Variants in FOXP2 observed in about 807,000 individuals in gnomAD.
The protein encoded by FOXP2 is forkhead box protein P2.
Under a neutral mutation model 115.8 loss-of-function variants are expected in FOXP2, and 12 were observed. That is an observed-to-expected ratio of 0.10 (90% confidence interval 0.07 to 0.17). The LOEUF (loss-of-function observed/expected upper bound fraction) is 0.17, where lower values mean the gene tolerates loss of function less well. FOXP2 is among the 10% of genes least tolerant of loss of function. The probability of loss-of-function intolerance (pLI) is 1.00; values close to 1 mark genes in which losing one functional copy is unlikely to be tolerated. For missense variants in FOXP2, 629 were observed against 843.5 expected, an observed-to-expected ratio of 0.75 and a Z score of 3.15; for synonymous variants, 328 against 297.7, an observed-to-expected ratio of 1.10 and a Z score of -1.05.
At chr7:114,485,727 C>T (rs1796744902) in intron 2 of FOXP2, among the ~76,000 whole-genome samples, 1 of 152,078 alleles carries the variant, frequency 6.6e-6, no homozygotes, top group East Asian at 1.9e-4. Context: ...TACATGTACT[C>T]ACTTATTTAA....
intron 2 of FOXP2, among the ~76,000 whole-genome samples, chr7:114,304,991 T>G (rs546732335): frequency 6.6e-6 from 1 of 152,250 alleles, no homozygotes; most frequent in South Asian, 2.1e-4. Flanking sequence ...TTTATAAAAT[T>G]TTTACTATGC....
intron 2 of FOXP2, among the ~76,000 whole-genome samples, chr7:114,500,067 T>A (rs1158866041): frequency 6.6e-6 from 1 of 151,746 alleles, no homozygotes; most frequent in African/African-American, 2.4e-5. Context: ...TACAAAAAAT[T>A]AGCCAGGCTT....
In FOXP2 at chr7:114,401,716, C is replaced by T. The variant is rs531020138; in HGVS notation, c.-10-24786C>T. ...ATGGCTAAAGACACAACATTGTGAA[C>T]TTCTGTTTAACATTTAGAATGAAAG... On this transcript the variant is annotated intron_variant, in intron 2 of 17. Transcript: ENST00000634411. 2.6e-5 allele frequency among the ~76,000 whole-genome samples: 4 copies of T among 152,308 alleles called. No individual in the cohort carries two copies. The South Asian group carries it at 8.3e-4, about 32-fold the overall frequency.
intron 9 of FOXP2, among the ~76,000 whole-genome samples, chr7:114,652,506 A>G (rs1031413909): frequency 3.3e-5 from 5 of 152,116 alleles, no homozygotes; most frequent in African/African-American, 1.2e-4. Context: ...TTATATTTTT[A>G]TAACTTTTAG....
chr7:114,555,343 A>T (rs1271164510), intron 3 of FOXP2, among the ~76,000 whole-genome samples: 1 of 152,194 alleles, frequency 6.6e-6, no homozygotes, highest in Non-Finnish European at 1.5e-5. Context: ...TGTTACAGAT[A>T]ATATAGTGCC....
intron 3 of FOXP2, among the ~76,000 whole-genome samples, chr7:114,616,158 T>G (rs1408081044): frequency 6.7e-6 from 1 of 149,882 alleles, no homozygotes; most frequent in African/African-American, 2.5e-5. Context: ...TTATGTTTTT[T>G]GTTGTCGTTT....
intron 3 of FOXP2, among the ~76,000 whole-genome samples, chr7:114,541,198 G>A (rs1305070520): frequency 2.0e-5 from 3 of 152,082 alleles, no homozygotes; most frequent in Non-Finnish European, 2.9e-5. Context: ...TTGAAAGAAA[G>A]CTTGACAGAG....
intron 1 of FOXP2, among the ~76,000 whole-genome samples, chr7:114,247,576 C>T (rs558117275): frequency 1.0e-3 from 153 of 152,252 alleles, no homozygotes; most frequent in African/African-American, 3.5e-3. Flanking sequence ...CACATGGCTG[C>T]GTCCTTGAAA....
intron 2 of FOXP2, among the ~76,000 whole-genome samples, chr7:114,399,516 T>C (rs1167994633): frequency 2.0e-5 from 3 of 152,212 alleles, no homozygotes; most frequent in Admixed American, 6.5e-5. Context: ...TTGCAAAACT[T>C]TTCCCATTTT....
At chr7:114,551,916 A>G (rs1467993322) in intron 3 of FOXP2, among the ~76,000 whole-genome samples, 1 of 152,188 alleles carries the variant, frequency 6.6e-6, no homozygotes, top group Non-Finnish European at 1.5e-5. Context: ...ATTTATAACT[A>G]CTGTTCTTTG....
rs139936257 is a variant in FOXP2 at position 114,339,585 on chromosome 7, G to A, written c.-11+51476G>A. Among the ~76,000 whole-genome samples, 935 of 151,198 alleles carry A rather than the reference G, an allele frequency of 6.2e-3. 2 individuals are homozygous for A. The highest frequency in any genetic ancestry group is 0.017 in the African/African-American group (688 of 41,450). On this transcript the variant is annotated intron_variant, in intron 2 of 17. Transcript: ENST00000634411. The stretch of plus-strand genomic sequence containing the variant: ...GCTTTACTTTATTTCAGGAGCAGCT[G>A]GGTGTGGTGTTAGTAACACCCTTAT...
intron 2 of FOXP2, among the ~76,000 whole-genome samples, chr7:114,300,418 T>A (rs984061829): frequency 1.3e-5 from 2 of 152,110 alleles, no homozygotes; most frequent in Non-Finnish European, 2.9e-5. Context: ...TGATTATTTC[T>A]GGGAGATAGA....
chr7:114,652,971 C>T (rs1806359832), intron 9 of FOXP2, among the ~76,000 whole-genome samples: 1 of 152,122 alleles, frequency 6.6e-6, no homozygotes, highest in Non-Finnish European at 1.5e-5. Context: ...CAAAGTCTGA[C>T]TCTTGTTATG....
chr7:114,672,882 A>G (rs1807568516), intron 16 of FOXP2, among the ~76,000 whole-genome samples: 1 of 152,200 alleles, frequency 6.6e-6, no homozygotes, highest in South Asian at 2.1e-4. Flanking sequence ...CAGTTTGGTA[A>G]TAGGAAATAG....
At chr7:114,272,059 A>T (rs1020426678) in intron 1 of FOXP2, among the ~76,000 whole-genome samples, 2 of 142,594 alleles carry the variant, frequency 1.4e-5, no homozygotes, top group African/African-American at 5.1e-5. Flanking sequence ...ATAAATATAT[A>T]AAATATATAA....
chr7:114,166,485 A>C (rs1283685056), intron 1 of FOXP2, among the ~76,000 whole-genome samples: 1 of 152,128 alleles, frequency 6.6e-6, no homozygotes, highest in Non-Finnish European at 1.5e-5. Flanking sequence ...TGGGCAGATC[A>C]CGAGGTCAGG....
intron 3 of FOXP2, among the ~76,000 whole-genome samples, chr7:114,536,397 C>CTTTTTTTTTTTTTT (rs3997242): frequency 8.9e-5 from 10 of 112,328 alleles, no homozygotes; most frequent in Non-Finnish European, 1.5e-4. Flanking sequence ...TTTTTCTTTT[C>CTTTTTTTTTTTTTT]TTTTTTTTTT....
chr7:114,518,937 C>T (rs1798478370), intron 2 of FOXP2, among the ~76,000 whole-genome samples: 1 of 152,154 alleles, frequency 6.6e-6, no homozygotes, highest in South Asian at 2.1e-4. Flanking sequence ...CAGTTTGCAT[C>T]ACCGTCATTA....
intron 1 of FOXP2, among the ~76,000 whole-genome samples, chr7:114,098,609 T>G (rs1799703926): frequency 6.6e-6 from 1 of 152,088 alleles, no homozygotes; most frequent in Non-Finnish European, 1.5e-5. Context: ...GGACTAGAAA[T>G]TATAAAACTC....
Sources: gnomAD v4.1 joint callset for allele counts (sites outside exome capture counted in the v4.1 genomes callset) on GRCh38, gnomAD v4.1.1 for gene constraint, MANE v1.5 for transcripts, NCBI Gene and HGNC (gene_info 2026-07-23, HGNC 2026-07-21) for gene names.